The following PIK3C2G variants were observed in gnomAD, a reference collection of about 807,000 sequenced individuals.
PIK3C2G encodes the protein phosphatidylinositol-4-phosphate 3-kinase catalytic subunit type 2 gamma.
A neutral mutation model predicts 181.1 loss-of-function variants in PIK3C2G; 168 were observed. The ratio of observed to expected loss-of-function variants is 0.93; its 90% CI spans 0.82 to 1.05. The LOEUF (loss-of-function observed/expected upper bound fraction) is 1.05, where lower values mean the gene tolerates loss of function less well. Among genes scored for constraint, PIK3C2G ranks in the 50% least tolerant of loss-of-function variants. The pLI is 0.00. For missense variants in PIK3C2G, 1,869 were observed against 1,732.8 expected (o/e 1.08, Z -1.40); for synonymous variants, 573 against 592.2 (o/e 0.97, Z 0.47).
intron 19 of PIK3C2G, among the ~76,000 whole-genome samples, chr12:18,489,906 C>T (rs1940400286): frequency 1.3e-5 from 2 of 152,064 alleles, no homozygotes; most frequent in Admixed American, 1.3e-4. Flanking sequence ...TGACATTATT[C>T]ACTCAGGTAA....
At chr12:18,692,387 A>C in the PIK3C2G span, among the ~76,000 whole-genome samples, 3 of 152,216 alleles carry the variant, frequency 2.0e-5, no homozygotes, top group Non-Finnish European at 4.4e-5. Context: ...GTTTTTCAAA[A>C]GATTTAATGA....
chr12:18,434,211 A>G (rs1946319059), intron 18 of PIK3C2G, among the ~76,000 whole-genome samples: 1 of 152,158 alleles, frequency 6.6e-6, no homozygotes, highest in Non-Finnish European at 1.5e-5. Flanking sequence ...AAGCAAACTG[A>G]CTTTTGGGAG....
In PIK3C2G at chr12:18,268,445, G is replaced by A. The variant is rs576691649; in HGVS notation, c.-79+6868G>A. On this transcript the variant is annotated intron_variant, in intron 1 of 32. Transcript: ENST00000538779. ...GATATCATTAAGGATATTATTTCCC[G>A]AAACCACAGTCTATTTGACCAGCTT... 2.4e-4 allele frequency among the ~76,000 whole-genome samples: 36 copies of A among 151,922 alleles called. 1 individual carries two copies. The highest frequency in any genetic ancestry group is 3.4e-3 in the Middle Eastern group (1 of 292).
chr12:18,485,451 C>T (rs773136776), intron 18 of PIK3C2G, among the ~76,000 whole-genome samples: 8 of 152,252 alleles, frequency 5.3e-5, no homozygotes, highest in Non-Finnish European at 1.0e-4. Context: ...AAAATTTGCT[C>T]AGTCACCTGG....
intron 24 of PIK3C2G, among the ~76,000 whole-genome samples, chr12:18,523,539 G>T (rs1309883301): frequency 1.3e-5 from 2 of 152,200 alleles, no homozygotes; most frequent in Non-Finnish European, 1.5e-5. Context: ...CCTAGCATGG[G>T]GAAGACAACA....
rs1305802922 is a variant in PIK3C2G, at chr12:18,261,549, G to T, written c.-107G>T. ...GACTCTTGAAAAGAAATGAGATCGT[G>T]TTTCATTTCAGGAAGATATATGCGT... On this transcript the variant is annotated 5_prime_UTR_variant, in exon 1 of 33. Transcript: ENST00000538779. 2.6e-5 allele frequency: 4 copies of T among 152,158 alleles called. No homozygotes were observed. In the East Asian group the frequency reaches 7.7e-4, roughly 29 times the overall value. 9.4% of individuals were successfully genotyped at this position (152,158 alleles called of 1,614,324 possible).
chr12:18,323,000 G>T (rs923105733), intron 7 of PIK3C2G, among the ~76,000 whole-genome samples: 1 of 152,062 alleles, frequency 6.6e-6, no homozygotes, highest in African/African-American at 2.4e-5. Context: ...GATATCCTTG[G>T]GACACAAAGG....
chr12:18,494,858 T>A (rs1940873792), intron 20 of PIK3C2G, among the ~76,000 whole-genome samples: 1 of 152,120 alleles, frequency 6.6e-6, no homozygotes, highest in Non-Finnish European at 1.5e-5. Flanking sequence ...AGATAAAACA[T>A]CTACATCTAT....
At chr12:18,524,074 T>A (rs1202189983) in intron 24 of PIK3C2G, among the ~76,000 whole-genome samples, 1 of 152,218 alleles carries the variant, frequency 6.6e-6, no homozygotes, top group Non-Finnish European at 1.5e-5. Flanking sequence ...ACTCCTTTTC[T>A]TTTTTTCTAA....
intron 26 of PIK3C2G, among the ~76,000 whole-genome samples, chr12:18,558,694 C>G (rs1945137281): frequency 6.6e-6 from 1 of 152,138 alleles, no homozygotes; most frequent in Non-Finnish European, 1.5e-5. Context: ...GGCCTACTTT[C>G]ATGGCAAGTT....
intron 29 of PIK3C2G, among the ~76,000 whole-genome samples, chr12:18,568,947 A>G (rs1945783998): frequency 6.6e-6 from 1 of 152,112 alleles, no homozygotes; most frequent in African/African-American, 2.4e-5. Context: ...AAAATTGAAC[A>G]GTTCAAGGGT....
At chr12:18,513,688 T>C (rs1014499647) in intron 24 of PIK3C2G, among the ~76,000 whole-genome samples, 3 of 151,760 alleles carry the variant, frequency 2.0e-5, no homozygotes, top group Non-Finnish European at 4.4e-5. Context: ...CTTTCTTTTT[T>C]TCCTAGTTAG....
intron 23 of PIK3C2G, 52 bp downstream of exon 23, chr12:18,503,469 T>C: frequency 7.7e-7 from 1 of 1,290,954 alleles, no homozygotes; most frequent in Non-Finnish European, 1.1e-6. Flanking sequence ...AAGAATATGC[T>C]CTGGTTCATT....
the PIK3C2G span, among the ~76,000 whole-genome samples, chr12:18,660,221 T>C: frequency 6.6e-6 from 1 of 152,018 alleles, no homozygotes; most frequent in Non-Finnish European, 1.5e-5. Context: ...CCATCCCCAT[T>C]CTCCTGCGTA....
At chr12:18,431,000 G>A (rs572634418) in intron 18 of PIK3C2G, among the ~76,000 whole-genome samples, 3 of 151,978 alleles carry the variant, frequency 2.0e-5, no homozygotes, top group African/African-American at 7.2e-5. Context: ...TTGGGGGCAA[G>A]TTCTCAAGTC....
chr12:18,610,224 A>G (rs969484011), intron 31 of PIK3C2G, among the ~76,000 whole-genome samples: 41 of 152,046 alleles, frequency 2.7e-4, no homozygotes, highest in African/African-American at 9.4e-4. Context: ...TAGAAGGAAA[A>G]CACGAAACCT....
chr12:18,650,205 C>G (rs1244343223), downstream of PIK3C2G, among the ~76,000 whole-genome samples: 1 of 151,760 alleles, frequency 6.6e-6, no homozygotes, highest in Non-Finnish European at 1.5e-5. Context: ...TCCCCCAGAC[C>G]TGTTTTATCC....
chr12:18,409,895 A>T (rs1944758754), intron 16 of PIK3C2G, among the ~76,000 whole-genome samples: 1 of 152,124 alleles, frequency 6.6e-6, no homozygotes, highest in Non-Finnish European at 1.5e-5. Flanking sequence ...GGAAGCAGGC[A>T]CACCTTCACA....
rs747999376 is a variant in PIK3C2G at position 18,282,209 on chromosome 12, T to C, written c.128T>C (p.Ile43Thr). Reference sequence around the variant, plus strand: ...CAAGTCAGTCTGGGTTTTGATCAGATAGTAGATGAGATCAGTGGCAAAATT... The same window carrying C: ...CAAGTCAGTCTGGGTTTTGATCAGACAGTAGATGAGATCAGTGGCAAAATT... Reference protein sequence around the residue: ...SSQVSLGFDQIVDEISGKIPH... With the variant: ...SSQVSLGFDQTVDEISGKIPH... The change falls in exon 2 of 33, where the codon ATA becomes ACA. Residue 43 changes from isoleucine (I) to threonine (T), a missense_variant. Ile to Thr is a moderately conservative substitution (Grantham distance 89, BLOSUM62 -1). Transcript: ENST00000538779. 6 of 1,613,366 alleles carry C rather than the reference T, an allele frequency of 3.7e-6. No homozygotes were observed. The highest frequency in any genetic ancestry group is 1.6e-4 in the Middle Eastern group (1 of 6,084).
Sources: allele counts gnomAD v4.1 joint callset (sites outside exome capture counted in the v4.1 genomes callset), GRCh38; gene constraint gnomAD v4.1.1; transcripts MANE v1.5; gene names NCBI Gene and HGNC (gene_info 2026-07-23, HGNC 2026-07-21).